GNG2: variants seen among roughly 807,000 people sequenced by gnomAD.
GNG2 encodes guanine nucleotide-binding protein G(I)/G(S)/G(O) subunit gamma-2.
A neutral mutation model predicts 5.5 loss-of-function variants in GNG2; 5 were observed. The ratio of observed to expected loss-of-function variants is 0.91; its 90% CI spans 0.48 to 1.92. The LOEUF (loss-of-function observed/expected upper bound fraction) is 1.92, where lower values mean the gene tolerates loss of function less well. GNG2 is among the 30% of genes most tolerant of loss of function. GNG2 has a pLI of 0.01. For synonymous variants in GNG2, 28 were observed against 32.0 expected (o/e 0.88, Z 0.42); for missense variants, 55 against 88.4 (o/e 0.62, Z 1.52).
chr14:51,927,057 C>T (rs560572140), intron 2 of GNG2, among the ~76,000 whole-genome samples: 1 of 152,336 alleles, frequency 6.6e-6, no homozygotes, highest in African/African-American at 2.4e-5. Flanking sequence ...CACTTCTTTA[C>T]TCTGATCCCA....
chr14:51,911,403 A>C (rs1886282694), intron 2 of GNG2, among the ~76,000 whole-genome samples: 1 of 152,182 alleles, frequency 6.6e-6, no homozygotes, highest in Non-Finnish European at 1.5e-5. Flanking sequence ...CACAGAGCTG[A>C]ATGGCCAAAG....
chr14:51,948,965 C>CA (rs1287065483), intron 2 of GNG2, among the ~76,000 whole-genome samples: 5 of 151,766 alleles, frequency 3.3e-5, no homozygotes, highest in African/African-American at 9.7e-5. Flanking sequence ...ATTAAAAATA[C>CA]AAAAAATTAG....
intron 2 of GNG2, among the ~76,000 whole-genome samples, chr14:51,839,745 G>A (rs1040133521): frequency 6.6e-6 from 1 of 152,068 alleles, no homozygotes; most frequent in Non-Finnish European, 1.5e-5. Context: ...CTTTAAAAAG[G>A]GTAAATTTTG....
intron 2 of GNG2, among the ~76,000 whole-genome samples, chr14:51,900,729 G>T (rs141933607): frequency 7.9e-5 from 12 of 152,062 alleles, no homozygotes; most frequent in African/African-American, 2.9e-4. Context: ...AGAGCAGAGA[G>T]AAACTTTGCT....
chr14:51,943,988 T>G (rs1233294841), intron 2 of GNG2, among the ~76,000 whole-genome samples: 1 of 152,220 alleles, frequency 6.6e-6, no homozygotes, highest in Non-Finnish European at 1.5e-5. Flanking sequence ...GCCAAAGCAT[T>G]CTTGAAACAG....
At chr14:51,917,548 C>T (rs1183713865) in intron 2 of GNG2, 1 of 400,910 alleles carries the variant, frequency 2.5e-6, no homozygotes, top group Non-Finnish European at 5.0e-6. Context: ...ATAAATCTTG[C>T]ACACACTGAA....
intron 2 of GNG2, among the ~76,000 whole-genome samples, chr14:51,929,591 A>G (rs1887535444): frequency 6.6e-6 from 1 of 152,220 alleles, no homozygotes; most frequent in Admixed American, 6.5e-5. Context: ...AAGTGATTGG[A>G]GGTGGGTGGG....
At chr14:51,863,508 C>CT (rs962130712) in intron 1 of GNG2, among the ~76,000 whole-genome samples, 9 of 152,102 alleles carry the variant, frequency 5.9e-5, no homozygotes, top group Non-Finnish European at 1.0e-4. Context: ...TTTAGGGAGA[C>CT]TTTTTTTATA....
intron 2 of GNG2, among the ~76,000 whole-genome samples, chr14:51,913,814 G>C (rs1737402880): frequency 6.6e-6 from 1 of 152,118 alleles, no homozygotes; most frequent in South Asian, 2.1e-4. Context: ...CTATTATTAG[G>C]ATTAAAGTAC....
At chr14:51,948,897 G>A (rs372579089) in intron 2 of GNG2, among the ~76,000 whole-genome samples, 12 of 152,118 alleles carry the variant, frequency 7.9e-5, no homozygotes, top group East Asian at 3.9e-4. Flanking sequence ...CGAGGTGGGC[G>A]GATCACGAGG....
chr14:51,875,068 A>C (rs1178037162), intron 1 of GNG2, among the ~76,000 whole-genome samples: 1 of 152,252 alleles, frequency 6.6e-6, no homozygotes, highest in Non-Finnish European at 1.5e-5. Flanking sequence ...GTTGAACTGC[A>C]TGTAACAGTG....
chr14:51,948,700 T>A (rs1888785293), intron 2 of GNG2, among the ~76,000 whole-genome samples: 1 of 152,218 alleles, frequency 6.6e-6, no homozygotes, highest in Non-Finnish European at 1.5e-5. Context: ...TTTATTATTT[T>A]GTTTTTCCAT....
At chr14:51,942,757 A>T (rs914849016) in intron 2 of GNG2, among the ~76,000 whole-genome samples, 1 of 151,634 alleles carries the variant, frequency 6.6e-6, no homozygotes, top group East Asian at 1.9e-4. Context: ...CATTTTGGCT[A>T]TAGAATTCTT....
intron 2 of GNG2, among the ~76,000 whole-genome samples, chr14:51,927,358 C>A (rs528632799): frequency 6.6e-6 from 1 of 152,328 alleles, no homozygotes; most frequent in South Asian, 2.1e-4. Context: ...ATTTATATCA[C>A]TTCCTTGCTA....
intron 1 of GNG2, among the ~76,000 whole-genome samples, chr14:51,874,844 C>A (rs113898251): frequency 0.014 from 2,122 of 152,208 alleles, 18 homozygotes; most frequent in Non-Finnish European, 0.02. Flanking sequence ...ACTTTTTAAA[C>A]TATAGATTTC....
At chr14:51,853,898 C>CTTT (rs368774686) in intron 2 of GNG2, among the ~76,000 whole-genome samples, 1 of 141,970 alleles carries the variant, frequency 7.0e-6, no homozygotes, top group African/African-American at 2.7e-5. Context: ...TTTTTTTTTT[C>CTTT]TTTTTTTTTT....
chr14:51,949,268 T>C (rs1206729022), intron 2 of GNG2, among the ~76,000 whole-genome samples: 1 of 152,234 alleles, frequency 6.6e-6, no homozygotes, highest in East Asian at 1.9e-4. Context: ...GAGTTATACC[T>C]AATTTCTTCT....
chr14:51,906,388 T>G (rs935691595), intron 2 of GNG2, among the ~76,000 whole-genome samples: 3 of 152,250 alleles, frequency 2.0e-5, no homozygotes, highest in African/African-American at 7.2e-5. Context: ...GTAAATTTAT[T>G]CCTGAAGCAT....
chr14:51,921,942 T>C (rs1303229174), intron 2 of GNG2, among the ~76,000 whole-genome samples: 1 of 152,248 alleles, frequency 6.6e-6, no homozygotes, highest in Non-Finnish European at 1.5e-5. Context: ...CATTTCTTAA[T>C]ACACCCAAAT....
Sources: allele counts gnomAD v4.1 joint callset (sites outside exome capture counted in the v4.1 genomes callset), GRCh38; gene constraint gnomAD v4.1.1; transcripts MANE v1.5; gene names NCBI Gene and HGNC (gene_info 2026-07-23, HGNC 2026-07-21).